Variants in DLGAP1 observed in about 807,000 individuals in gnomAD.
DLGAP1 encodes DLG associated protein 1.
In DLGAP1, 11 loss-of-function variants were observed where a neutral mutation model predicts 90.8. That is an observed-to-expected ratio of 0.12 (90% CI 0.08 to 0.20). The LOEUF (loss-of-function observed/expected upper bound fraction) is 0.20, where lower values mean the gene tolerates loss of function less well. Among genes scored for constraint, DLGAP1 ranks in the 10% least tolerant of loss-of-function variants. The probability of loss-of-function intolerance (pLI) is 1.00; values close to 1 mark genes in which losing one functional copy is unlikely to be tolerated. For missense variants in DLGAP1, 1,050 were observed against 1,333.8 expected (o/e 0.79, Z 3.31); for synonymous variants, 558 against 540.7 (o/e 1.03, Z -0.44).
chr18:3,672,832 C>T (rs968411531), intron 7 of DLGAP1, among the ~76,000 whole-genome samples: 4 of 152,108 alleles, frequency 2.6e-5, no homozygotes, highest in African/African-American at 9.7e-5. Context: ...CCTCCTTTCA[C>T]TGTAGTTCTA....
In DLGAP1 at chr18:3,850,013, A is replaced by G. The variant is rs79553552; in HGVS notation, c.957+29099T>C. ...CTCTGGCCAATAACACTGTGATGCC[A>G]TTAAGGCATGAAGATTCAATATTAG... On this transcript the variant is annotated intron_variant, in intron 4 of 12. Coordinates refer to ENST00000315677, the MANE Select transcript of DLGAP1 (RefSeq NM_004746.4). 3.9e-3 allele frequency among the ~76,000 whole-genome samples: 599 copies of G among 152,308 alleles called. 2 individuals carry two copies. Among genetic ancestry groups the G allele is most frequent in the African/African-American group, 0.014 (577 of 41,558 alleles).
At chr18:4,157,352 C>T (rs533506977) in intron 1 of DLGAP1, among the ~76,000 whole-genome samples, 5 of 152,280 alleles carry the variant, frequency 3.3e-5, no homozygotes, top group South Asian at 2.1e-4. Context: ...TCCAGTGGAT[C>T]GTAGAAATAA....
Position 3,879,634 on chromosome 18 carries a change from G to C in DLGAP1, c.435C>G (p.Val145=). 1 of 1,604,970 alleles carries C rather than the reference G, an allele frequency of 6.2e-7. No individual in the cohort carries two copies. The highest frequency in any genetic ancestry group is 8.5e-7 in the Non-Finnish European group (1 of 1,179,152). Residue 145 remains valine, a synonymous_variant, in exon 4 of 13, where the codon GTC becomes GTG. Transcript: ENST00000315677. This position sits in a 1 kb window ranked among gnomAD's most constrained non-coding sequence, Gnocchi z 6.6. Reference sequence around the variant, plus strand: ...AGTGCGACTTGGTGAAGAGCTTCTGGACCGAGTGCACCAGGTGGCGGATGC... The same window carrying C: ...AGTGCGACTTGGTGAAGAGCTTCTGCACCGAGTGCACCAGGTGGCGGATGC... ...PGRIRHLVHS[V]QKLFTKSHSL...
At chr18:3,647,116 T>A (rs974579431) in intron 7 of DLGAP1, among the ~76,000 whole-genome samples, 1 of 151,892 alleles carries the variant, frequency 6.6e-6, no homozygotes, top group South Asian at 2.1e-4. Context: ...GGCATAGGTA[T>A]GGTGGCTTAT....
At chr18:3,604,148 C>T (rs2057210067) in intron 7 of DLGAP1, 1 of 152,468 alleles carries the variant, frequency 6.6e-6, no homozygotes, top group South Asian at 2.1e-4. Flanking sequence ...GCTGAATGAA[C>T]AGCTGGGACT....
chr18:4,233,776 T>G (rs990742035), intron 1 of DLGAP1, among the ~76,000 whole-genome samples: 2 of 152,132 alleles, frequency 1.3e-5, no homozygotes, highest in Non-Finnish European at 2.9e-5. Flanking sequence ...TTGATGGAGA[T>G]AGAAAGCTGT....
rs117482062 is a variant in DLGAP1 at position 3,729,716 on chromosome 18, C to T, written c.1351-341G>A. Among the ~76,000 whole-genome samples, 57 of 152,200 alleles carry T rather than the reference C, an allele frequency of 3.7e-4. No individual in the cohort carries two copies. In the East Asian group the frequency reaches 0.01, roughly 27 times the overall value. On this transcript the variant is annotated intron_variant, in intron 6 of 12. Transcript: ENST00000315677. The surrounding 1 kb of genome is among the most constrained non-coding windows in gnomAD (Gnocchi z 6.2). ...GAGCTACCACCACCAGCCGTGATTA[C>T]ATTTTAAAGAAAAAAGGGCACCGTT...
At chr18:3,758,021 C>T (rs1357824822) in intron 5 of DLGAP1, among the ~76,000 whole-genome samples, 3 of 148,914 alleles carry the variant, frequency 2.0e-5, no homozygotes, top group African/African-American at 7.5e-5. Flanking sequence ...GAGGCTGAGG[C>T]AGAGAATTGC....
Position 3,505,028 on chromosome 18 carries a change from T to C in DLGAP1, c.2572-2383A>G, listed in dbSNP as rs193100686. On this transcript the variant is annotated intron_variant, in intron 11 of 12. Coordinates refer to ENST00000315677, the MANE Select transcript of DLGAP1 (RefSeq NM_004746.4). ...GAGTCTAGTTAGGATAATGAGTAAG[T>C]GTTTTCAAAATAGAGCTATGATTTT... Among the ~76,000 whole-genome samples, 467 of 152,250 alleles carry C rather than the reference T, an allele frequency of 3.1e-3. 3 individuals are homozygous for C. The highest frequency in any genetic ancestry group is 3.6e-3 in the Non-Finnish European group (245 of 68,016).
Position 3,499,293 on chromosome 18 carries a change from G to A in DLGAP1, c.2826C>T (p.Arg942=). 1 of 1,591,154 alleles carries A rather than the reference G, an allele frequency of 6.3e-7. No individual in the cohort carries two copies. Among genetic ancestry groups the A allele is most frequent in the Non-Finnish European group, 8.5e-7 (1 of 1,169,914 alleles). The change falls in exon 13 of 13, where the codon CGC becomes CGT. Residue 942 remains arginine (R), a synonymous_variant. Coordinates refer to ENST00000315677, the MANE Select transcript of DLGAP1 (RefSeq NM_004746.4). This position sits in a 1 kb window ranked among gnomAD's most constrained non-coding sequence, Gnocchi z 6.4. The part of the protein sequence containing the change: ...SLESSQRQEA[R]KRLMAAKRAA... ...CGCGCTTGGCGGCCATCAGGCGCTT[G>A]CGGGCCTCCTGGCGCTGCGAGCTCT...
intron 7 of DLGAP1, among the ~76,000 whole-genome samples, chr18:3,696,981 C>A (rs567398684): frequency 5.5e-4 from 83 of 152,230 alleles, no homozygotes; most frequent in South Asian, 5.0e-3. Context: ...AGTTTATTTG[C>A]GTAGAGGTGT....
rs142157866 is a variant in DLGAP1 at position 4,311,848 on chromosome 18, T to C, written c.-267+143158A>G. Among the ~76,000 whole-genome samples, 748 of 152,316 alleles carry C rather than the reference T, an allele frequency of 4.9e-3. 8 individuals carry two copies. The highest frequency in any genetic ancestry group is 0.018 in the African/African-American group (731 of 41,576). On this transcript the variant is annotated intron_variant, in intron 1 of 12. Coordinates refer to ENST00000315677, the MANE Select transcript of DLGAP1 (RefSeq NM_004746.4). ...CTCCTGTCTCAGCCTCCTGAGTAGC[T>C]GGGATTACAGGTGCCCGCCACCACG...
intron 1 of DLGAP1, among the ~76,000 whole-genome samples, chr18:4,333,061 T>C (rs2080984689): frequency 2.0e-5 from 3 of 151,996 alleles, no homozygotes; most frequent in Admixed American, 2.0e-4. Context: ...CTTGCATCTC[T>C]CAAATCAGTT....
intron 1 of DLGAP1, among the ~76,000 whole-genome samples, chr18:4,324,905 TATC>T (rs1171731615): frequency 6.6e-6 from 1 of 152,146 alleles, no homozygotes; most frequent in African/African-American, 2.4e-5. Context: ...CCACAGACAA[TATC>T]ATACTGAATG....
At chr18:4,020,864 C>T (rs2074597112) in intron 2 of DLGAP1, among the ~76,000 whole-genome samples, 1 of 152,172 alleles carries the variant, frequency 6.6e-6, no homozygotes, top group Non-Finnish European at 1.5e-5. Context: ...CTGGGAATAA[C>T]ATTACTGTTG....
At chr18:3,863,149 T>C (rs2070185615) in intron 4 of DLGAP1, among the ~76,000 whole-genome samples, 1 of 152,188 alleles carries the variant, frequency 6.6e-6, no homozygotes, top group South Asian at 2.1e-4. Context: ...ACTGAGAAAC[T>C]GGATTTTTAT....
At chr18:3,894,390 T>C (rs1207008198) in intron 3 of DLGAP1, among the ~76,000 whole-genome samples, 1 of 152,238 alleles carries the variant, frequency 6.6e-6, no homozygotes, top group African/African-American at 2.4e-5. Flanking sequence ...AATTTTTGTA[T>C]ACAGTGAGAA....
intron 2 of DLGAP1, among the ~76,000 whole-genome samples, chr18:4,052,879 T>C (rs989540405): frequency 3.3e-5 from 5 of 152,210 alleles, no homozygotes; most frequent in Admixed American, 2.0e-4. Context: ...GTCTCTTTGC[T>C]AAAGCATTGC....
intron 4 of DLGAP1, among the ~76,000 whole-genome samples, chr18:3,864,053 CTT>C: frequency 6.6e-6 from 1 of 152,306 alleles, no homozygotes; most frequent in South Asian, 2.1e-4. Context: ...TTCCCTCCTG[CTT>C]TTATCTGGCC....
Sources: gnomAD v4.1 joint callset for allele counts (sites outside exome capture counted in the v4.1 genomes callset) on GRCh38, gnomAD v4.1.1 for gene constraint, Gnocchi (gnomAD v3.1) non-coding constraint, MANE v1.5 for transcripts, NCBI Gene and HGNC (gene_info 2026-07-23, HGNC 2026-07-21) for gene names.